The following HECW2 variants were observed in gnomAD, a reference collection of about 807,000 sequenced individuals.
HECW2 encodes the protein HECT, C2 and WW domain containing E3 ubiquitin protein ligase 2, also known as E3 ubiquitin-protein ligase HECW2.
HECW2 carries 61 observed loss-of-function variants against 175.2 expected under a neutral mutation model. That is an observed-to-expected ratio of 0.35 (90% CI 0.28 to 0.43). The LOEUF is 0.43. Ranked by LOEUF, HECW2 falls within the 20% of genes least tolerant of loss-of-function variation. The probability of loss-of-function intolerance (pLI) is 1.00; values close to 1 mark genes in which losing one functional copy is unlikely to be tolerated. For synonymous variants in HECW2, 671 were observed against 731.0 expected (o/e 0.92, Z 1.32); for missense variants, 1,524 against 2,000.5 (o/e 0.76, Z 4.54).
chr2:196,583,050 A>G (rs150267587), intron 1 of HECW2, among the ~76,000 whole-genome samples: 1 of 152,300 alleles, frequency 6.6e-6, no homozygotes, highest in African/African-American at 2.4e-5. Context: ...AGACAAGTCC[A>G]TGTTCAGGGA....
At chr2:196,489,399 T>C (rs1687113223) in intron 1 of HECW2, among the ~76,000 whole-genome samples, 1 of 152,186 alleles carries the variant, frequency 6.6e-6, no homozygotes, top group African/African-American at 2.4e-5. Flanking sequence ...GACACTATTA[T>C]AATTCAGTGG....
chr2:196,359,332 C>T (rs1693500576), intron 2 of HECW2, among the ~76,000 whole-genome samples: 1 of 152,136 alleles, frequency 6.6e-6, no homozygotes, highest in South Asian at 2.1e-4. Context: ...TCTGTAGTCC[C>T]AGCTACTCAG....
chr2:196,495,939 A>C (rs971224991), intron 1 of HECW2, among the ~76,000 whole-genome samples: 38 of 152,286 alleles, frequency 2.5e-4, no homozygotes, highest in African/African-American at 7.7e-4. Context: ...AAAGCAAAGA[A>C]GACTTTGGAC....
At chr2:196,201,723 T>C (rs1260488352) in intron 28 of HECW2, among the ~76,000 whole-genome samples, 1 of 152,118 alleles carries the variant, frequency 6.6e-6, no homozygotes. Flanking sequence ...CTTTTGATGC[T>C]AGATTTTTTT....
intron 1 of HECW2, among the ~76,000 whole-genome samples, chr2:196,539,433 C>T (rs543839373): frequency 6.6e-6 from 1 of 152,214 alleles, no homozygotes; most frequent in Admixed American, 6.5e-5. Flanking sequence ...GAGATGTAGA[C>T]CATCCTGGCT....
chr2:196,433,093 T>A, intron 2 of HECW2, 39 bp downstream of exon 2: 1 of 1,539,888 alleles, frequency 6.5e-7, no homozygotes, highest in Non-Finnish European at 8.8e-7. Context: ...AAAACTTGTA[T>A]GCTCTGAGTC....
chr2:196,435,146 G>C lies in HECW2; in HGVS notation c.-35-1688C>G, dbSNP rs1575538798. Among the ~76,000 whole-genome samples, 3 of 152,322 alleles carry C rather than the reference G, an allele frequency of 2.0e-5. No homozygotes were observed. In the East Asian group the frequency reaches 5.8e-4, roughly 29 times the overall value. On this transcript the variant is annotated intron_variant, in intron 1 of 28. Transcript: ENST00000644978. The stretch of plus-strand genomic sequence containing the variant: ...CAAGATATCTTTTGTGAAAAGGATA[G>C]AAATAAAAATGAACAGATAAGCTGA...
intron 1 of HECW2, among the ~76,000 whole-genome samples, chr2:196,488,183 T>C (rs749151245): frequency 3.3e-5 from 5 of 152,230 alleles, no homozygotes; most frequent in Middle Eastern, 3.2e-3. Context: ...GTGTCTATTA[T>C]GATCCCATTT....
chr2:196,412,634 C>T lies in HECW2; in HGVS notation c.292+20498G>A, dbSNP rs150312180. Reference sequence around the variant, plus strand: ...GGCCAGGAAGCCTTTAGAGCAGTGGCTTTGAAATTTCATGTTCACAGTCCC... The same window carrying T: ...GGCCAGGAAGCCTTTAGAGCAGTGGTTTTGAAATTTCATGTTCACAGTCCC... On this transcript the variant is annotated intron_variant, in intron 2 of 28. Transcript: ENST00000644978. Among the ~76,000 whole-genome samples, 23 of 152,304 alleles carry T rather than the reference C, an allele frequency of 1.5e-4. No individual in the cohort carries two copies. The East Asian group carries it at 4.4e-3, about 29-fold the overall frequency.
intron 13 of HECW2, among the ~76,000 whole-genome samples, chr2:196,298,981 C>A (rs1690923112): frequency 6.6e-6 from 1 of 152,092 alleles, no homozygotes; most frequent in Non-Finnish European, 1.5e-5. Context: ...AGAAAACATT[C>A]CAGCAAGTAA....
chr2:196,577,365 G>A (rs1035327431), intron 1 of HECW2, among the ~76,000 whole-genome samples: 1 of 151,974 alleles, frequency 6.6e-6, no homozygotes, highest in African/African-American at 2.4e-5. Flanking sequence ...TTATTAAAAA[G>A]TCATTTATTA....
At chr2:196,569,877 C>A (rs568158645) in intron 1 of HECW2, among the ~76,000 whole-genome samples, 1 of 152,314 alleles carries the variant, frequency 6.6e-6, no homozygotes, top group African/African-American at 2.4e-5. Context: ...AATAAGGACA[C>A]AAGAACCAGG....
intron 1 of HECW2, among the ~76,000 whole-genome samples, chr2:196,460,012 T>A (rs1285456216): frequency 6.6e-6 from 1 of 152,208 alleles, no homozygotes; most frequent in Non-Finnish European, 1.5e-5. Flanking sequence ...CCCTGTCTTA[T>A]TCTTCTCACC....
At chr2:196,557,327 G>A (rs550775671) in intron 1 of HECW2, among the ~76,000 whole-genome samples, 1 of 151,968 alleles carries the variant, frequency 6.6e-6, no homozygotes, top group Admixed American at 6.5e-5. Context: ...CCTGGGGGGC[G>A]GAGGCTGCAG....
intron 21 of HECW2, among the ~76,000 whole-genome samples, chr2:196,232,249 C>CA (rs1489424602): frequency 1.3e-5 from 2 of 152,148 alleles, no homozygotes; most frequent in African/African-American, 4.8e-5. Flanking sequence ...TAAACTGTGG[C>CA]ATTCAGTTAG....
chr2:196,203,850 C>A (rs1468772510), intron 28 of HECW2, among the ~76,000 whole-genome samples: 2 of 152,148 alleles, frequency 1.3e-5, no homozygotes, highest in African/African-American at 2.4e-5. Flanking sequence ...AATCTGTATC[C>A]ATTAAATAGT....
chr2:196,355,552 T>C (rs1693334447), intron 2 of HECW2, among the ~76,000 whole-genome samples: 1 of 152,174 alleles, frequency 6.6e-6, no homozygotes, highest in Non-Finnish European at 1.5e-5. Flanking sequence ...TCTTTTTCCA[T>C]TTGGATAAAC....
At position 196,200,529 on chromosome 2, in the gene HECW2, CT is replaced by C. The variant is rs1208651621; in HGVS notation, c.*747del. On this transcript the variant is annotated 3_prime_UTR_variant, in exon 29 of 29. Coordinates refer to ENST00000644978, the MANE Select transcript of HECW2 (RefSeq NM_001348768.2). ...AAAAATAAACAGAACTCACTGTGTA[CT>C]TTTTCCTGATATGCTGTGATTAATT... 2 of 152,512 alleles carry C rather than the reference CT, an allele frequency of 1.3e-5. No individual in the cohort carries two copies. The highest frequency in any genetic ancestry group is 2.4e-5 in the African/African-American group (1 of 41,424). The allele number at this position is 152,512 out of a possible 1,614,324, so 9.4% of individuals were successfully genotyped here. A position where few individuals can be genotyped will look rare whatever the true frequency, so the allele number is the denominator to read the frequency against.
chr2:196,489,306 C>T lies in HECW2; in HGVS notation c.-35-55848G>A, dbSNP rs955842967. 5.3e-5 allele frequency among the ~76,000 whole-genome samples: 8 copies of T among 152,134 alleles called. 1 individual carries two copies. Among genetic ancestry groups the T allele is most frequent in the Admixed American group, 3.3e-4 (5 of 15,268 alleles). On this transcript the variant is annotated intron_variant, in intron 1 of 28. Coordinates refer to ENST00000644978, the MANE Select transcript of HECW2 (RefSeq NM_001348768.2). ...GACTGAAAGAGAGAGAGATATATAA[C>T]TCCCCTATTATAACAAAGCTATCAT...
Sources: allele counts gnomAD v4.1 joint callset (sites outside exome capture counted in the v4.1 genomes callset), GRCh38; gene constraint gnomAD v4.1.1; transcripts MANE v1.5; gene names NCBI Gene and HGNC (gene_info 2026-07-23, HGNC 2026-07-21).